PARP10: variants seen among roughly 807,000 people sequenced by gnomAD.
PARP10 encodes poly(ADP-ribose) polymerase family member 10, also known as protein mono-ADP-ribosyltransferase PARP10.
PARP10 carries 56 observed loss-of-function variants against 82.4 expected under a neutral mutation model. The observed-to-expected ratio is 0.68, with a 90% CI of 0.55 to 0.85. PARP10 has a LOEUF of 0.85. Among genes scored for constraint, PARP10 ranks in the 40% least tolerant of loss-of-function variants. The pLI is 0.00. For synonymous variants in PARP10, 576 were observed against 601.1 expected (o/e 0.96, Z 0.61); for missense variants, 1,227 against 1,379.4 (o/e 0.89, Z 1.75).
chr8:143,984,381 G>T lies in PARP10; in HGVS notation c.1509C>A (p.Ser503Arg), dbSNP rs1554748626. The change falls in exon 6 of 11, where the codon AGC becomes AGA. Residue 503 changes from serine to arginine, a missense_variant. Ser to Arg is a moderately radical substitution (Grantham distance 110). Transcript: ENST00000313028. ...SCQAAEEFLR[S>R]LLGSISCHVL... ...CATGGCAGCTAATGCTGCCCAGCAG[G>T]CTCCGCAGAAACTCCTCAGCCGCCT... 1 of 1,612,688 alleles carries T rather than the reference G, an allele frequency of 6.2e-7. No individual in the cohort carries two copies.
Position 143,977,503 on chromosome 8 carries a change from C to T in PARP10, c.3059G>A (p.Gly1020Asp). 2 of 1,552,296 alleles carry T rather than the reference C, an allele frequency of 1.3e-6. No individual in the cohort carries two copies. Among genetic ancestry groups the T allele is most frequent in the South Asian group, 1.2e-5 (1 of 84,212 alleles). The part of the protein sequence containing the change: ...ASPDDPSGLP[G>D]RSPDT ...CTTCGGTTAAGTGTCTGGGGAGCGG[C>T]CCGGGAGCCCAGAGGGGTCGTCGGG... Residue 1020 changes from glycine to aspartate, a missense_variant, in exon 11 of 11, where the codon GGC (glycine) becomes GAC (aspartate). By Grantham distance (94) the Gly-to-Asp change is moderately conservative. Coordinates refer to ENST00000313028, the MANE Select transcript of PARP10 (RefSeq NM_032789.5).
upstream of PARP10, chr8:143,993,063 G>A (rs1480247674): frequency 3.7e-6 from 2 of 547,722 alleles, no homozygotes; most frequent in South Asian, 2.2e-5. Flanking sequence ...CCCCGCCAAG[G>A]GGCACCAAGG....
At chr8:143,992,645 T>TGGGCAGGCA, upstream of PARP10, 1 of 1,613,986 alleles carries the variant, frequency 6.2e-7, no homozygotes, top group African/African-American at 1.3e-5. Flanking sequence ...GGCGGGATGC[T>TGGGCAGGCA]GGGCAGGCAG....
At chr8:143,994,609 T>C (rs1554751125), upstream of PARP10, among the ~76,000 whole-genome samples, 1 of 152,066 alleles carries the variant, frequency 6.6e-6, no homozygotes, top group Admixed American at 6.6e-5. Context: ...GAGTCACGAG[T>C]GGGCTCCCTG....
rs1554748258 is a variant in PARP10 at position 143,983,496 on chromosome 8, G to T, written c.2093C>A (p.Pro698His). 1 of 1,606,500 alleles carries T rather than the reference G, an allele frequency of 6.2e-7. No homozygotes were observed. Residue 698 changes from proline to histidine, a missense_variant, in exon 8 of 11, where the codon CCC becomes CAC. Transcript: ENST00000313028. Reference protein sequence around the residue: ...LEQPPLEAEEPPDGGTDGKAQ... With the variant: ...LEQPPLEAEEHPDGGTDGKAQ... ...CTTGCCATCAGTCCCCCCATCTGGG[G>T]GCTCTTCTGCCTCCAACGGGGGCTG...
At position 143,984,611 on chromosome 8, in the gene PARP10, T is replaced by G. The variant is rs781870355; in HGVS notation, c.1391A>C (p.Asp464Ala). The stretch of plus-strand genomic sequence containing the variant: ...GACGTCTCCCAGGCCCGCAAGAAGG[T>G]CCTCATGGTAGAGCTGCAGGAAGCG... ...AMRFLQLYHE[D>A]LLAGLGDVAL... The change falls in exon 5 of 11, where the codon GAC becomes GCC. Residue 464 changes from aspartate (D) to alanine (A), a missense_variant. Coordinates refer to ENST00000313028, the MANE Select transcript of PARP10 (RefSeq NM_032789.5). The G allele has an allele frequency of 1.2e-6, 2 of 1,613,746 alleles. No individual in the cohort carries two copies. Among genetic ancestry groups the G allele is most frequent in the African/African-American group, 2.7e-5 (2 of 74,858 alleles).
upstream of PARP10, among the ~76,000 whole-genome samples, chr8:143,995,277 A>G (rs1039264285): frequency 1.8e-4 from 27 of 152,280 alleles, 1 homozygote; most frequent in East Asian, 5.2e-3. Flanking sequence ...AGGGGAAGTC[A>G]TGGGGCTGTG....
rs1453750331 is a variant in PARP10 at position 143,984,925 on chromosome 8, A to G, written c.1077T>C (p.His359=). Residue 359 remains histidine (H), a synonymous_variant, in exon 5 of 11, where the codon CAT becomes CAC. Transcript: ENST00000313028. ...CAGGCCTCAGGCTTACCAGCCCCTC[A>G]TGTTCCAGAGACCCCATGGGCATCG... ...VSSMPMGSLE[H]EGLVSLRPVG... 7 of 1,613,188 alleles carry G rather than the reference A, an allele frequency of 4.3e-6. No individual in the cohort carries two copies. Among genetic ancestry groups the G allele is most frequent in the Non-Finnish European group, 5.9e-6 (7 of 1,179,826 alleles).
Position 143,985,162 on chromosome 8 carries a change from G to A in PARP10, c.840C>T (p.Thr280=), listed in dbSNP as rs1554748960. 1.1e-5 allele frequency: 17 copies of A among 1,613,996 alleles called. No individual in the cohort carries two copies. Among genetic ancestry groups the A allele is most frequent in the Middle Eastern group, 1.6e-4 (1 of 6,084 alleles). The change falls in exon 5 of 11, where the codon ACC becomes ACT. Residue 280 remains threonine (T), a synonymous_variant. Transcript: ENST00000313028. ...CCTGCAGAGCCGTCACCAACCCTCC[G>A]GTCCTCAGGAGAGCATGCTTGGTAG... ...PRATKHALLR[T]GGLVTALQGA... is the part of the protein sequence containing the mutation.
Position 143,985,653 on chromosome 8 carries a change from G to A in PARP10, c.437-5C>T, listed in dbSNP as rs782787673. On this transcript the variant is annotated splice_polypyrimidine_tract_variant and splice_region_variant and intron_variant, in intron 3 of 10. Coordinates refer to ENST00000313028, the MANE Select transcript of PARP10 (RefSeq NM_032789.5). ...GCTCCTCCAGGACACGGACATCTGT[G>A]GGGTATGTGCAGGTCAGCTCAGGGA... 1.9e-6 allele frequency: 3 copies of A among 1,612,472 alleles called. No individual in the cohort carries two copies. Among genetic ancestry groups the A allele is most frequent in the Non-Finnish European group, 2.5e-6 (3 of 1,179,588 alleles).
In PARP10 at chr8:143,985,096, C is replaced by T. The variant is rs782725688; in HGVS notation, c.906G>A (p.Gly302=). 1.2e-5 allele frequency: 20 copies of T among 1,613,908 alleles called. No individual in the cohort carries two copies. Among genetic ancestry groups the T allele is most frequent in the Non-Finnish European group, 1.6e-5 (19 of 1,180,014 alleles). ...CTGTCCTCAGAGAGGCCCCTGACTG[C>T]CCTGGTTCCTCGCCAGAGCCCATTG... ...TVTMGSGEEP[G]QSGASLRTGP... The change falls in exon 5 of 11, where the codon GGG becomes GGA. Residue 302 remains glycine (G), a synonymous_variant. Transcript: ENST00000313028.
At chr8:143,992,290 A>G (rs1554750678), upstream of PARP10, 9 of 1,592,628 alleles carry the variant, frequency 5.7e-6, no homozygotes, top group Non-Finnish European at 4.3e-6. Flanking sequence ...GATGATCGCC[A>G]GCTTCTACAA....
Position 143,983,061 on chromosome 8 carries a change from C to A in PARP10, c.2427G>T (p.Ala809=). Reference sequence around the variant, plus strand: ...TCCAGGGCCCCTTCAGCGTCTGCCCCGCCACTGATGCATGGGGAAAAGCGG... The same window carrying A: ...TCCAGGGCCCCTTCAGCGTCTGCCCAGCCACTGATGCATGGGGAAAAGCGG... The part of the protein sequence containing the change: ...FPLAASGPTL[A]GQTLKGPWNN... The change falls in exon 9 of 11, where the codon GCG becomes GCT. Residue 809 remains alanine, a synonymous_variant. Transcript: ENST00000313028. The A allele has an allele frequency of 6.2e-7, 1 of 1,613,932 alleles. No individual in the cohort carries two copies. Among genetic ancestry groups the A allele is most frequent in the Non-Finnish European group, 8.5e-7 (1 of 1,180,006 alleles).
At chr8:143,999,913 T>G (rs1196422332) in intron 1 of PARP10, among the ~76,000 whole-genome samples, 1 of 152,084 alleles carries the variant, frequency 6.6e-6, no homozygotes, top group Admixed American at 6.5e-5. Flanking sequence ...GAACAAAGTA[T>G]AAGAGAATGT....
chr8:143,991,625 TG>T (rs1834098948), upstream of PARP10: 5 of 1,585,122 alleles, frequency 3.2e-6, no homozygotes, highest in East Asian at 6.7e-5. Flanking sequence ...AAGGGAGGGG[TG>T]GGGTGGCCGG....
At chr8:143,992,789 T>C (rs1834122881), upstream of PARP10, 1 of 1,613,718 alleles carries the variant, frequency 6.2e-7, no homozygotes, top group Non-Finnish European at 8.5e-7. Context: ...TACACAGACA[T>C]CATCAACATC....
At chr8:144,010,429 TAGG>T (rs1256170701) in intron 1 of PARP10, among the ~76,000 whole-genome samples, 3 of 152,220 alleles carry the variant, frequency 2.0e-5, no homozygotes, top group South Asian at 2.1e-4. Flanking sequence ...TCTTTTATAT[TAGG>T]AGATTTATTT....
rs782355675 is a variant in PARP10 at position 143,985,479 on chromosome 8, C to T, written c.606G>A (p.Gly202=). The T allele has an allele frequency of 8.7e-6, 14 of 1,613,118 alleles. No homozygotes were observed. The highest frequency in any genetic ancestry group is 2.7e-5 in the African/African-American group (2 of 74,878). ...YLENERRSGG[G]PLEDLQRLPG... The stretch of plus-strand genomic sequence containing the variant: ...GTAGGCGTTGCAGGTCCTCCAGGGG[C>T]CCCCCACCACTGCGGCGCTCATTCT... Residue 202 remains glycine (G), a synonymous_variant, in exon 4 of 11, where the codon GGG becomes GGA. Coordinates refer to ENST00000313028, the MANE Select transcript of PARP10 (RefSeq NM_032789.5).
rs1188520960 is a variant in PARP10 at position 144,011,383 on chromosome 8, T to C, written c.-80+1147A>G. Among the ~76,000 whole-genome samples the C allele has an allele frequency of 6.6e-6, 1 of 152,136 alleles. No individual in the cohort carries two copies. Among genetic ancestry groups the C allele is most frequent in the African/African-American group, 2.4e-5 (1 of 41,462 alleles). On this transcript the variant is annotated intron_variant, in intron 1 of 3. Coordinates refer to the PARP10 transcript ENST00000530478. This position sits in a 1 kb window ranked among gnomAD's most constrained non-coding sequence, Gnocchi z 4.5. The stretch of plus-strand genomic sequence containing the variant: ...AGGGGTGGGGGTAGGCCCCCCATTG[T>C]GAGGTCCAGGCAGAATGCTCAACTC...
Sources: allele counts gnomAD v4.1 joint callset (sites outside exome capture counted in the v4.1 genomes callset), GRCh38; gene constraint gnomAD v4.1.1; non-coding constraint Gnocchi (gnomAD v3.1); transcripts MANE v1.5; gene names NCBI Gene and HGNC (gene_info 2026-07-23, HGNC 2026-07-21).